The following SPATA17 variants were observed in gnomAD, a reference collection of about 807,000 sequenced individuals.
SPATA17 encodes spermatogenesis-associated protein 17.
Under a neutral mutation model 62.2 loss-of-function variants are expected in SPATA17, and 53 were observed. That is an observed-to-expected ratio of 0.85 (90% CI 0.68 to 1.07). The LOEUF is 1.07. SPATA17 is among the 50% of genes least tolerant of loss of function. SPATA17 has a pLI of 0.00. For missense variants in SPATA17, 466 were observed against 425.5 expected, an observed-to-expected ratio of 1.10 and a Z score of -0.84; for synonymous variants, 146 against 146.8, an observed-to-expected ratio of 0.99 and a Z score of 0.04.
chr1:217,680,922 TA>T (rs71166016), intron 4 of SPATA17, among the ~76,000 whole-genome samples: 15,671 of 57,898 alleles, frequency 0.27, 1,511 homozygotes, highest in East Asian at 0.51. Context: ...GAGACTCTGT[TA>T]AAAAAAAAAA....
At chr1:217,726,718 T>G (rs898028722) in intron 5 of SPATA17, among the ~76,000 whole-genome samples, 1 of 84,112 alleles carries the variant, frequency 1.2e-5, no homozygotes, top group South Asian at 3.1e-4. Flanking sequence ...TTTTTGTGTG[T>G]TTTTTTTTTC....
intron 6 of SPATA17, 55 bp from the exon 7 acceptor site, chr1:217,774,279 C>T (rs1673532088): frequency 6.8e-7 from 1 of 1,477,478 alleles, no homozygotes; most frequent in African/African-American, 1.4e-5. Flanking sequence ...CAACTCTTTC[C>T]TTTATTTCAT....
At chr1:217,844,066 C>T (rs1275596040) in intron 9 of SPATA17, among the ~76,000 whole-genome samples, 1 of 152,082 alleles carries the variant, frequency 6.6e-6, no homozygotes, top group Non-Finnish European at 1.5e-5. Flanking sequence ...CAAGCTAGTA[C>T]ATTAGTCTGA....
chr1:217,701,228 C>T (rs1204262774), intron 5 of SPATA17, among the ~76,000 whole-genome samples: 1 of 150,800 alleles, frequency 6.6e-6, no homozygotes, highest in Non-Finnish European at 1.5e-5. Context: ...GTTGCCTTGG[C>T]CTCCCAAAGT....
intron 8 of SPATA17, among the ~76,000 whole-genome samples, chr1:217,792,274 G>A (rs746361099): frequency 2.0e-5 from 3 of 152,002 alleles, no homozygotes; most frequent in Non-Finnish European, 2.9e-5. Context: ...TTTCTTACTC[G>A]CAAAGAACAA....
At chr1:217,632,513 A>C (rs1406831342) in intron 1 of SPATA17, among the ~76,000 whole-genome samples, 1 of 152,188 alleles carries the variant, frequency 6.6e-6, no homozygotes, top group Non-Finnish European at 1.5e-5. Flanking sequence ...TATCTCACCT[A>C]CTACATCATT....
intron 5 of SPATA17, among the ~76,000 whole-genome samples, chr1:217,733,028 T>A (rs1672433473): frequency 1.3e-5 from 2 of 152,194 alleles, no homozygotes; most frequent in Admixed American, 1.3e-4. Context: ...AAAAAAATGA[T>A]TTTCATGAAT....
intron 1 of SPATA17, among the ~76,000 whole-genome samples, chr1:217,631,955 G>C (rs953125795): frequency 7.2e-5 from 11 of 152,168 alleles, no homozygotes; most frequent in Non-Finnish European, 1.6e-4. Flanking sequence ...GGCCGAGGGG[G>C]GCGAATCACC....
chr1:217,848,704 T>G (rs189171191), intron 9 of SPATA17, among the ~76,000 whole-genome samples: 1 of 152,300 alleles, frequency 6.6e-6, no homozygotes, highest in East Asian at 1.9e-4. Flanking sequence ...TATTCTGTTT[T>G]AAGCCATTGT....
At chr1:217,827,399 G>A (rs983491466) in intron 9 of SPATA17, among the ~76,000 whole-genome samples, 3 of 151,768 alleles carry the variant, frequency 2.0e-5, no homozygotes, top group Non-Finnish European at 4.4e-5. Context: ...TGCCTGCAGA[G>A]AAATAGGAAT....
chr1:217,731,701 A>G (rs1483046342), intron 5 of SPATA17, among the ~76,000 whole-genome samples: 2 of 152,190 alleles, frequency 1.3e-5, no homozygotes, highest in African/African-American at 4.8e-5. Flanking sequence ...ATTACATTTT[A>G]GAGTATATTC....
intron 8 of SPATA17, among the ~76,000 whole-genome samples, chr1:217,796,078 G>A (rs548801955): frequency 1.5e-4 from 23 of 152,184 alleles, no homozygotes; most frequent in African/African-American, 4.1e-4. Flanking sequence ...GACTACAGGC[G>A]TGAGAAGTTT....
chr1:217,710,166 G>T (rs890440294), intron 5 of SPATA17, among the ~76,000 whole-genome samples: 1 of 152,046 alleles, frequency 6.6e-6, no homozygotes, highest in Non-Finnish European at 1.5e-5. Context: ...ATGCAAAAAC[G>T]CATTTTTTAA....
chr1:217,763,125 T>C (rs1342269802), intron 6 of SPATA17, among the ~76,000 whole-genome samples: 1 of 152,212 alleles, frequency 6.6e-6, no homozygotes, highest in African/African-American at 2.4e-5. Context: ...CAACTTATCA[T>C]ATGTAGAGGC....
intron 5 of SPATA17, among the ~76,000 whole-genome samples, chr1:217,721,368 G>C (rs777950257): frequency 3.3e-5 from 5 of 152,120 alleles, no homozygotes; most frequent in African/African-American, 4.8e-5. Context: ...AGGTAACAGT[G>C]GCTGGTGTCT....
chr1:217,720,680 A>C (rs539319332), intron 5 of SPATA17, among the ~76,000 whole-genome samples: 205 of 152,328 alleles, frequency 1.3e-3, no homozygotes, highest in Non-Finnish European at 2.3e-3. Flanking sequence ...TTTACACATA[A>C]ACATAATTTA....
intron 6 of SPATA17, among the ~76,000 whole-genome samples, chr1:217,769,059 T>C (rs1252563855): frequency 6.6e-6 from 1 of 152,224 alleles, no homozygotes; most frequent in African/African-American, 2.4e-5. Flanking sequence ...TATTTAAATT[T>C]CTTCATTTTG....
chr1:217,661,473 T>C (rs1670567886), intron 3 of SPATA17, among the ~76,000 whole-genome samples: 2 of 152,278 alleles, frequency 1.3e-5, no homozygotes, highest in Middle Eastern at 3.4e-3. Flanking sequence ...ATCAAATAGC[T>C]TATCAAGTCC....
At chr1:217,824,987 A>G (rs912008913) in intron 9 of SPATA17, among the ~76,000 whole-genome samples, 4 of 150,910 alleles carry the variant, frequency 2.7e-5, no homozygotes, top group South Asian at 2.1e-4. Flanking sequence ...TACAATTCAA[A>G]TATAAATACA....
Sources: allele counts gnomAD v4.1 joint callset (sites outside exome capture counted in the v4.1 genomes callset), GRCh38; gene constraint gnomAD v4.1.1; transcripts MANE v1.5; gene names NCBI Gene and HGNC (gene_info 2026-07-23, HGNC 2026-07-21).